RNF144B: variants seen among roughly 807,000 people sequenced by gnomAD.
The protein encoded by RNF144B is E3 ubiquitin-protein ligase RNF144B.
Under a neutral mutation model 40.2 loss-of-function variants are expected in RNF144B, and 25 were observed. The ratio of observed to expected loss-of-function variants is 0.62; its 90% CI spans 0.45 to 0.87. RNF144B has a LOEUF of 0.87. Among genes scored for constraint, RNF144B ranks in the 40% least tolerant of loss-of-function variants. RNF144B has a pLI of 0.00. For synonymous variants in RNF144B, 145 were observed against 136.3 expected, an observed-to-expected ratio of 1.06 and a Z score of -0.44; for missense variants, 365 against 373.7, an observed-to-expected ratio of 0.98 and a Z score of 0.19.
At chr6:18,409,375 CA>C (rs770011648) in intron 2 of RNF144B, among the ~76,000 whole-genome samples, 1,178 of 59,522 alleles carry the variant, frequency 0.02, 34 homozygotes, top group African/African-American at 0.054. Context: ...GAGACTGTCT[CA>C]AAAAAAAAAA....
At chr6:18,451,362 A>T (rs1301134007) in intron 4 of RNF144B, among the ~76,000 whole-genome samples, 6 of 152,320 alleles carry the variant, frequency 3.9e-5, no homozygotes, top group East Asian at 3.9e-4. Context: ...AAGAGGTCAT[A>T]TCTGGAGAAG....
At chr6:18,396,449 T>C in intron 1 of RNF144B, 1 of 982,922 alleles carries the variant, frequency 1.0e-6, no homozygotes, top group Non-Finnish European at 1.2e-6. Flanking sequence ...GAGAAATACT[T>C]GGATTTCTCG....
chr6:18,409,596 G>GTTT (rs905969224), intron 2 of RNF144B, among the ~76,000 whole-genome samples: 14 of 111,680 alleles, frequency 1.3e-4, no homozygotes, highest in African/African-American at 4.2e-4. Context: ...TTGAGATGGA[G>GTTT]TTTTGCTCTT....
chr6:18,436,456 A>G (rs1220803714), intron 3 of RNF144B, among the ~76,000 whole-genome samples: 1 of 152,210 alleles, frequency 6.6e-6, no homozygotes, highest in Non-Finnish European at 1.5e-5. Context: ...TTTCAATACT[A>G]TGATTATCAT....
chr6:18,428,994 C>G (rs1758630953), intron 3 of RNF144B, among the ~76,000 whole-genome samples: 1 of 152,036 alleles, frequency 6.6e-6, no homozygotes, highest in Admixed American at 6.6e-5. Flanking sequence ...GAGTTTGAGA[C>G]CAGCCTGGGC....
At chr6:18,393,274 G>A (rs184650539) in intron 1 of RNF144B, among the ~76,000 whole-genome samples, 124 of 152,254 alleles carry the variant, frequency 8.1e-4, no homozygotes, top group African/African-American at 2.6e-3. Flanking sequence ...AAGAATGTAC[G>A]CTGGTTCATC....
chr6:18,393,137 G>T (rs547496466), intron 1 of RNF144B, among the ~76,000 whole-genome samples: 5 of 148,018 alleles, frequency 3.4e-5, no homozygotes, highest in African/African-American at 1.3e-4. Context: ...AAAAAAAAAA[G>T]TAATTAATAG....
At chr6:18,393,688 C>T (rs1177363078) in intron 1 of RNF144B, among the ~76,000 whole-genome samples, 1 of 152,136 alleles carries the variant, frequency 6.6e-6, no homozygotes, top group Admixed American at 6.6e-5. Flanking sequence ...AAGGATGGGA[C>T]CTTTAGATTG....
At chr6:18,455,712 C>T (rs1328112036) in intron 4 of RNF144B, among the ~76,000 whole-genome samples, 3 of 152,050 alleles carry the variant, frequency 2.0e-5, no homozygotes, top group Admixed American at 6.5e-5. Context: ...AACATGGGGT[C>T]TGCTACTGAA....
rs1795016431 is a variant in RNF144B, at chr6:18,410,812, C to T, written c.165+11113C>T. ...CAAGGCTGGAGCAGGAGGAGGGAAC[C>T]ATGGCAGGCTGAAGCAGAGCTCGGA... is the stretch of plus-strand genomic sequence containing the variant. On this transcript the variant is annotated intron_variant, in intron 2 of 7. Coordinates refer to ENST00000259939, the MANE Select transcript of RNF144B (RefSeq NM_182757.4). The surrounding 1 kb of genome is among the most constrained non-coding windows in gnomAD (Gnocchi z 4.6). Among the ~76,000 whole-genome samples the T allele has an allele frequency of 6.6e-6, 1 of 152,100 alleles. No homozygotes were observed. Among genetic ancestry groups the T allele is most frequent in the African/African-American group, 2.4e-5 (1 of 41,410 alleles).
At chr6:18,421,262 A>T (rs1051391851) in intron 2 of RNF144B, among the ~76,000 whole-genome samples, 2 of 140,770 alleles carry the variant, frequency 1.4e-5, no homozygotes, top group African/African-American at 5.5e-5. Flanking sequence ...AAAAAAAAAA[A>T]TTATATATTA....
chr6:18,440,577 T>C (rs1758935583), intron 4 of RNF144B, among the ~76,000 whole-genome samples: 1 of 152,142 alleles, frequency 6.6e-6, no homozygotes, highest in Admixed American at 6.6e-5. Context: ...TTATTTGTCA[T>C]GTGCCAATAA....
At chr6:18,417,844 A>G (rs974554239) in intron 2 of RNF144B, among the ~76,000 whole-genome samples, 5 of 152,202 alleles carry the variant, frequency 3.3e-5, no homozygotes, top group Non-Finnish European at 5.9e-5. Flanking sequence ...CTCATAAGGG[A>G]TACAGCTAGA....
Position 18,461,622 on chromosome 6 carries a change from G to T in RNF144B, c.682-1669G>T, listed in dbSNP as rs148478246. On this transcript the variant is annotated intron_variant, in intron 6 of 7. Transcript: ENST00000259939. Reference sequence around the variant, plus strand: ...GCTGCTCTGGTTCTGGAGATGAAATGGTGCAGATGTTAAATGGCTGAATAC... The same window carrying T: ...GCTGCTCTGGTTCTGGAGATGAAATTGTGCAGATGTTAAATGGCTGAATAC... 4.0e-4 allele frequency among the ~76,000 whole-genome samples: 61 copies of T among 152,292 alleles called. 1 individual carries two copies. Among genetic ancestry groups the T allele is most frequent in the Admixed American group, 3.5e-3 (53 of 15,298 alleles).
chr6:18,411,251 G>A (rs1795027594), intron 2 of RNF144B, among the ~76,000 whole-genome samples: 1 of 151,428 alleles, frequency 6.6e-6, no homozygotes, highest in South Asian at 2.1e-4. Flanking sequence ...CCAAAGTGCT[G>A]GGATTACAGG....
chr6:18,396,787 A>G (rs1317270899), intron 1 of RNF144B: 1 of 985,258 alleles, frequency 1.0e-6, no homozygotes, highest in Non-Finnish European at 1.2e-6. Flanking sequence ...CAAGCTGATG[A>G]CAGTTGTTTA....
chr6:18,409,561 C>CGTTTT (rs547707150), intron 2 of RNF144B, among the ~76,000 whole-genome samples: 4 of 93,262 alleles, frequency 4.3e-5, no homozygotes, highest in Non-Finnish European at 8.0e-5. Flanking sequence ...CTTGCATAAC[C>CGTTTT]TTTTTTTTTT....
intron 3 of RNF144B, among the ~76,000 whole-genome samples, chr6:18,429,197 C>G (rs1758636159): frequency 6.6e-6 from 1 of 151,632 alleles, no homozygotes; most frequent in African/African-American, 2.4e-5. Context: ...GATTTCATCT[C>G]TTAAAAAAAA....
rs1035177707 is a variant in RNF144B at position 18,442,689 on chromosome 6, A to C, written c.331+2945A>C. Among the ~76,000 whole-genome samples, 2 of 152,300 alleles carry C rather than the reference A, an allele frequency of 1.3e-5. No individual in the cohort carries two copies. The highest frequency in any genetic ancestry group is 1.3e-4 in the Admixed American group (2 of 15,300). ...ATGATCCCAAATTCTGTAGCCATTA[A>C]CCAATAAGTCCTTATTCCTCCTCCC... On this transcript the variant is annotated intron_variant, in intron 4 of 7. Coordinates refer to ENST00000259939, the MANE Select transcript of RNF144B (RefSeq NM_182757.4). The surrounding 1 kb of genome is among the most constrained non-coding windows in gnomAD (Gnocchi z 4.3).
Sources: gnomAD v4.1 joint callset for allele counts (sites outside exome capture counted in the v4.1 genomes callset) on GRCh38, gnomAD v4.1.1 for gene constraint, Gnocchi (gnomAD v3.1) non-coding constraint, MANE v1.5 for transcripts, NCBI Gene and HGNC (gene_info 2026-07-23, HGNC 2026-07-21) for gene names.